VAV2: variants seen among roughly 807,000 people sequenced by gnomAD.
VAV2 encodes the protein vav guanine nucleotide exchange factor 2, also known as guanine nucleotide exchange factor VAV2.
Under a neutral mutation model 132.5 loss-of-function variants are expected in VAV2, and 67 were observed. That is an observed-to-expected ratio of 0.51 (90% CI 0.42 to 0.62). The LOEUF is 0.62. VAV2 is among the 20% of genes least tolerant of loss of function. The probability of loss-of-function intolerance (pLI) is 0.00; values close to 1 mark genes in which losing one functional copy is unlikely to be tolerated. For missense variants in VAV2, 938 were observed against 1,153.6 expected (o/e 0.81, Z 2.71); for synonymous variants, 492 against 443.5 (o/e 1.11, Z -1.37).
Position 133,917,390 on chromosome 9 carries a change from T to C in VAV2, c.321+21713A>G, listed in dbSNP as rs143426614. Among the ~76,000 whole-genome samples the C allele has an allele frequency of 9.3e-3, 1,419 of 151,852 alleles. 14 individuals carry two copies. The highest frequency in any genetic ancestry group is 0.032 in the African/African-American group (1,316 of 41,276). On this transcript the variant is annotated intron_variant, in intron 2 of 29. Coordinates refer to ENST00000371850, the MANE Select transcript of VAV2 (RefSeq NM_001134398.2). Reference sequence around the variant, plus strand: ...GTGGAATGTCAAGCTGAATATTTTTTGACTTAACAGAGAGCTGGGAACCCA... The same window carrying C: ...GTGGAATGTCAAGCTGAATATTTTTCGACTTAACAGAGAGCTGGGAACCCA...
At position 133,826,728 on chromosome 9, in the gene VAV2, G is replaced by A. The variant is rs1053876426; in HGVS notation, c.449+7544C>T. On this transcript the variant is annotated intron_variant, in intron 4 of 29. Transcript: ENST00000371850. The surrounding 1 kb of genome is among the most constrained non-coding windows in gnomAD (Gnocchi z 4.2). ...TCCTTTGGCCTCTCTTCTGCCCTGAGTGGGAGCTTTCAAATTTCTCCCGTG... is the reference window on the plus strand; with the variant it reads ...TCCTTTGGCCTCTCTTCTGCCCTGAATGGGAGCTTTCAAATTTCTCCCGTG... Among the ~76,000 whole-genome samples, 2 of 152,146 alleles carry A rather than the reference G, an allele frequency of 1.3e-5. No homozygotes were observed. Among genetic ancestry groups the A allele is most frequent in the African/African-American group, 4.8e-5 (2 of 41,416 alleles).
Position 133,809,046 on chromosome 9 carries a change from A to T in VAV2, c.660T>A (p.Ile220=), listed in dbSNP as rs774196526. ...EAKYYRTLED[I]EKNYMSPLRL... ...GGCCGCCATCTGCCCTCACCTTCTC[A>T]ATGTCCTCCAGGGTGCGGTAGTACT... The change falls in exon 7 of 30, where the codon ATT becomes ATA. Residue 220 remains isoleucine (I), a synonymous_variant. Transcript: ENST00000371850. 4.3e-6 allele frequency: 7 copies of T among 1,613,408 alleles called. No homozygotes were observed. In the African/African-American group the frequency reaches 6.7e-5, roughly 15 times the overall value.
At chr9:133,791,549 C>T (rs1834462502) in intron 13 of VAV2, among the ~76,000 whole-genome samples, 1 of 151,934 alleles carries the variant, frequency 6.6e-6, no homozygotes, top group African/African-American at 2.4e-5. Context: ...GTCCCCCTCC[C>T]CCCGAGCACA....
intron 2 of VAV2, among the ~76,000 whole-genome samples, chr9:133,881,165 T>C (rs927670381): frequency 2.0e-5 from 3 of 152,236 alleles, no homozygotes; most frequent in African/African-American, 7.2e-5. Flanking sequence ...TTCAGGCTGC[T>C]GGGCTTCCCA....
At chr9:133,784,905 A>G (rs2502754) in intron 17 of VAV2, among the ~76,000 whole-genome samples, 150,285 of 152,164 alleles carry the variant, frequency 0.99, 74,239 homozygotes, top group East Asian at 1. Flanking sequence ...GGATGGCGGC[A>G]GCGTGGTGAG....
chr9:133,778,959 C>T (rs1833911331), intron 21 of VAV2, 70 bp from the exon 22 acceptor site: 2 of 1,572,634 alleles, frequency 1.3e-6, no homozygotes, highest in South Asian at 2.3e-5. Context: ...CCCCGGCCCG[C>T]AGCCCACCCC....
chr9:133,867,169 G>T (rs1307863203), intron 2 of VAV2, among the ~76,000 whole-genome samples: 1 of 151,690 alleles, frequency 6.6e-6, no homozygotes, highest in African/African-American at 2.4e-5. Flanking sequence ...GCAGAGCCGG[G>T]GCAGGCGTCT....
At chr9:133,936,909 G>A (rs1376776440) in intron 2 of VAV2, among the ~76,000 whole-genome samples, 2 of 152,208 alleles carry the variant, frequency 1.3e-5, no homozygotes, top group Non-Finnish European at 2.9e-5. Flanking sequence ...CCTCAGAGCC[G>A]CAGCCGCCTC....
At chr9:133,862,096 G>T (rs12377799) in intron 2 of VAV2, among the ~76,000 whole-genome samples, 1 of 152,228 alleles carries the variant, frequency 6.6e-6, no homozygotes, top group African/African-American at 2.4e-5. Context: ...CTGGTCAAGA[G>T]GAAGGTTTGG....
chr9:133,834,198 G>T lies in VAV2; in HGVS notation c.449+74C>A, dbSNP rs914525570. Reference sequence around the variant, plus strand: ...CACTGTGGCCGCCATGTTTCCTCCTGACTCCCTGGACACCACCAGGAACCT... The same window carrying T: ...CACTGTGGCCGCCATGTTTCCTCCTTACTCCCTGGACACCACCAGGAACCT... On this transcript the variant is annotated intron_variant, in intron 4 of 29. Coordinates refer to ENST00000371850, the MANE Select transcript of VAV2 (RefSeq NM_001134398.2). The surrounding 1 kb of genome is among the most constrained non-coding windows in gnomAD (Gnocchi z 5.9). 1.1e-5 allele frequency: 16 copies of T among 1,517,120 alleles called. No individual in the cohort carries two copies. Among genetic ancestry groups the T allele is most frequent in the Non-Finnish European group, 1.4e-5 (16 of 1,118,450 alleles). 94.0% of individuals were successfully genotyped at this position (1,517,120 alleles called of 1,614,324 possible). A position where few individuals can be genotyped will look rare whatever the true frequency, so the allele number is the denominator to read the frequency against.
chr9:133,888,123 C>CTG (rs1838786096), intron 2 of VAV2, among the ~76,000 whole-genome samples: 17 of 152,298 alleles, frequency 1.1e-4, no homozygotes, highest in African/African-American at 4.1e-4. Flanking sequence ...CAGGAGGTCC[C>CTG]CGCAGGACTC....
At chr9:133,931,593 C>A (rs1224356056) in intron 2 of VAV2, among the ~76,000 whole-genome samples, 1 of 152,240 alleles carries the variant, frequency 6.6e-6, no homozygotes, top group Non-Finnish European at 1.5e-5. Flanking sequence ...CAAGTGCACA[C>A]TGTCAATGGC....
At chr9:133,807,373 CCT>C in intron 7 of VAV2, 47 bp from the exon 8 acceptor site, 1 of 1,544,238 alleles carries the variant, frequency 6.5e-7, no homozygotes, top group Non-Finnish European at 8.8e-7. Flanking sequence ...TGTTGCCCAC[CCT>C]CTCAAGGTCA....
Position 133,855,566 on chromosome 9 carries a change from C to T in VAV2, c.380+5808G>A, listed in dbSNP as rs988732508. Among the ~76,000 whole-genome samples, 12 of 152,288 alleles carry T rather than the reference C, an allele frequency of 7.9e-5. 1 individual carries two copies. In the South Asian group the frequency reaches 1.2e-3, roughly 16 times the overall value. On this transcript the variant is annotated intron_variant, in intron 3 of 29. Coordinates refer to ENST00000371850, the MANE Select transcript of VAV2 (RefSeq NM_001134398.2). ...TGCCTCCGTATCCCGGGAGGGCACC[C>T]GGCCTCTCCCTGCACGAGCCGCATC...
intron 21 of VAV2, among the ~76,000 whole-genome samples, chr9:133,779,574 A>G (rs1833933753): frequency 6.6e-6 from 1 of 152,268 alleles, no homozygotes; most frequent in African/African-American, 2.4e-5. Context: ...GCAGCAAGGC[A>G]GGAAGGGGAT....
chr9:133,764,194 G>C, intron 29 of VAV2, 85 bp from the exon 30 acceptor site: 1 of 1,559,284 alleles, frequency 6.4e-7, no homozygotes, highest in South Asian at 1.1e-5. Flanking sequence ...GTGAGGGCAA[G>C]TAGAGGCTCA....
chr9:133,878,018 C>G (rs1182086063), intron 2 of VAV2, among the ~76,000 whole-genome samples: 1 of 152,192 alleles, frequency 6.6e-6, no homozygotes, highest in Middle Eastern at 3.2e-3. Flanking sequence ...CTTGGCCCCC[C>G]GACACCCCCC....
At chr9:133,921,187 CAG>C (rs1840284678) in intron 2 of VAV2, among the ~76,000 whole-genome samples, 1 of 152,200 alleles carries the variant, frequency 6.6e-6, no homozygotes, top group South Asian at 2.1e-4. Context: ...TCTCAGACAC[CAG>C]AGAGTCCCCA....
chr9:133,776,060 T>C lies in VAV2; in HGVS notation c.1986A>G (p.Pro662=), dbSNP rs747336726. ...ATGCAGTGTAGTCGATCTCCCGGGA[T>C]GGCGGCCGGCTGATGGGCGGCTGGT... ...VDGRPPISRP[P]SREIDYTAYP... Residue 662 remains proline, a synonymous_variant, in exon 24 of 30, where the codon CCA becomes CCG. Transcript: ENST00000371850. 3.7e-6 allele frequency: 6 copies of C among 1,613,082 alleles called. No individual in the cohort carries two copies. In the African/African-American group the frequency reaches 4.0e-5, roughly 11 times the overall value.
Sources: gnomAD v4.1 joint callset for allele counts (sites outside exome capture counted in the v4.1 genomes callset) on GRCh38, gnomAD v4.1.1 for gene constraint, Gnocchi (gnomAD v3.1) non-coding constraint, MANE v1.5 for transcripts, NCBI Gene and HGNC (gene_info 2026-07-23, HGNC 2026-07-21) for gene names.